The following DMXL1 variants were observed in gnomAD, a reference collection of about 807,000 sequenced individuals.
The protein encoded by DMXL1 is dmX-like protein 1.
A neutral mutation model predicts 319.2 loss-of-function variants in DMXL1; 99 were observed. That is an observed-to-expected ratio of 0.31 (90% CI 0.26 to 0.37). The LOEUF is 0.37. DMXL1 is among the 10% of genes least tolerant of loss of function. DMXL1 has a pLI of 1.00. For synonymous variants in DMXL1, 1,385 were observed against 1,235.2 expected (o/e 1.12, Z -2.54); for missense variants, 3,745 against 3,595.6 (o/e 1.04, Z -1.06).
intron 28 of DMXL1, among the ~76,000 whole-genome samples, chr5:119,184,761 T>G (rs1228582922): frequency 6.6e-6 from 1 of 152,206 alleles, no homozygotes; most frequent in African/African-American, 2.4e-5. Context: ...GACTGGCTTA[T>G]TTCACCTAGT....
chr5:119,217,897 G>A (rs1783965062), intron 35 of DMXL1, among the ~76,000 whole-genome samples: 1 of 152,016 alleles, frequency 6.6e-6, no homozygotes, highest in South Asian at 2.1e-4. Context: ...TGTTCTGTGT[G>A]CTTCACTTAA....
At chr5:119,178,525 T>C (rs1462974833) in intron 28 of DMXL1, 18 of 736,832 alleles carry the variant, frequency 2.4e-5, no homozygotes, top group South Asian at 6.2e-5. Context: ...CACTGTAATA[T>C]TGGTTTTTGT....
chr5:119,117,990 C>CT (rs1309280121), intron 7 of DMXL1, among the ~76,000 whole-genome samples: 1 of 152,114 alleles, frequency 6.6e-6, no homozygotes, highest in Non-Finnish European at 1.5e-5. Flanking sequence ...GTGACTTTTT[C>CT]TTTCTTTCTT....
intron 9 of DMXL1, among the ~76,000 whole-genome samples, chr5:119,125,312 AC>A (rs1763280619): frequency 1.3e-5 from 2 of 152,312 alleles, no homozygotes; most frequent in South Asian, 4.1e-4. Context: ...CATTAGCTTT[AC>A]AGTTTTGCCT....
chr5:119,115,120 C>G (rs958504796), intron 6 of DMXL1, among the ~76,000 whole-genome samples: 4 of 152,098 alleles, frequency 2.6e-5, no homozygotes, highest in Admixed American at 2.0e-4. Context: ...TCTTATTGAG[C>G]CTTTCTTTTC....
chr5:119,181,412 C>T (rs1209647340), intron 28 of DMXL1, among the ~76,000 whole-genome samples: 1 of 152,024 alleles, frequency 6.6e-6, no homozygotes, highest in Non-Finnish European at 1.5e-5. Context: ...TGAAGGAGTA[C>T]TTAAAGAAAA....
Position 119,118,845 on chromosome 5 carries a change from C to T in DMXL1, c.774C>T (p.Cys258=). Residue 258 remains cysteine (C), a synonymous_variant, in exon 8 of 44, where the codon TGC becomes TGT. Coordinates refer to ENST00000539542, the MANE Select transcript of DMXL1 (RefSeq NM_001290321.3). ...CTGTATGTAATGTACTGTTGACTTG[C>T]TGCAAAGATAATGTGTGTCGTCTTT... ...RASVCNVLLT[C]CKDNVCRLWV... is the part of the protein sequence containing the mutation. 1.2e-6 allele frequency: 2 copies of T among 1,613,044 alleles called. No homozygotes were observed. Among genetic ancestry groups the T allele is most frequent in the Non-Finnish European group, 1.7e-6 (2 of 1,179,646 alleles).
chr5:119,174,239 A>G (rs1458699486), intron 25 of DMXL1, among the ~76,000 whole-genome samples: 1 of 152,136 alleles, frequency 6.6e-6, no homozygotes, highest in Admixed American at 6.6e-5. Flanking sequence ...TCACACCTAG[A>G]TTTTTTTCAA....
At chr5:119,078,313 G>C (rs942341063) in intron 1 of DMXL1, among the ~76,000 whole-genome samples, 1 of 151,992 alleles carries the variant, frequency 6.6e-6, no homozygotes, top group African/African-American at 2.4e-5. Flanking sequence ...AAACTTTCTA[G>C]TATTAAGGAG....
At chr5:119,175,470 G>A (rs1450815933) in intron 26 of DMXL1, 133 bp downstream of exon 26, 14 of 601,864 alleles carry the variant, frequency 2.3e-5, no homozygotes, top group Non-Finnish European at 3.8e-5. Context: ...GAGGTTTTGA[G>A]TACTTTTTGT....
chr5:119,144,053 A>G, intron 14 of DMXL1, 123 bp downstream of exon 14: 1 of 604,186 alleles, frequency 1.7e-6, no homozygotes, highest in Non-Finnish European at 2.9e-6. Context: ...TTCAGTAATT[A>G]ACTCATCACA....
chr5:119,137,254 C>T (rs1766215229), intron 13 of DMXL1, among the ~76,000 whole-genome samples: 1 of 152,210 alleles, frequency 6.6e-6, no homozygotes, highest in African/African-American at 2.4e-5. Context: ...TTGTTTTGGC[C>T]AGTTTCTTCT....
intron 10 of DMXL1, 80 bp downstream of exon 10, chr5:119,129,503 T>C: frequency 1.0e-6 from 1 of 997,054 alleles, no homozygotes. Context: ...AACTAGCTAC[T>C]TGTAATAAAC....
intron 37 of DMXL1, 79 bp downstream of exon 37, chr5:119,221,160 A>G (rs1784581060): frequency 9.2e-7 from 1 of 1,081,454 alleles, no homozygotes; most frequent in East Asian, 2.7e-5. Flanking sequence ...AGGATGATTT[A>G]AAACATTTTT....
chr5:119,095,649 A>G (rs1437625634), intron 1 of DMXL1, among the ~76,000 whole-genome samples: 3 of 152,248 alleles, frequency 2.0e-5, no homozygotes, highest in African/African-American at 2.4e-5. Context: ...AATTCAACAC[A>G]ATATTTTGAG....
intron 28 of DMXL1, among the ~76,000 whole-genome samples, chr5:119,187,366 G>A (rs1777922943): frequency 6.6e-6 from 1 of 152,128 alleles, no homozygotes; most frequent in South Asian, 2.1e-4. Context: ...TTGATTATTA[G>A]CATTTTCAAA....
intron 19 of DMXL1, among the ~76,000 whole-genome samples, chr5:119,152,788 A>T (rs1191883931): frequency 6.6e-6 from 1 of 152,142 alleles, no homozygotes; most frequent in Non-Finnish European, 1.5e-5. Context: ...GCATTATTGG[A>T]ACTATAGGTT....
rs1204013477 is a variant in DMXL1 at position 119,149,897 on chromosome 5, T to C, written c.4070T>C (p.Val1357Ala). Residue 1357 changes from valine to alanine, a missense_variant, in exon 18 of 44, where the codon GTT becomes GCT. Transcript: ENST00000539542. Reference sequence around the variant, plus strand: ...CTTGTTAAGTGCATTGCTGGGGAAGTTGTGGCTCTGAATGAAGCTGAATCT... The same window carrying C: ...CTTGTTAAGTGCATTGCTGGGGAAGCTGTGGCTCTGAATGAAGCTGAATCT... ...SHLVKCIAGE[V>A]VALNEAESNH... is the part of the protein sequence containing the mutation. 1.2e-6 allele frequency: 2 copies of C among 1,613,856 alleles called. No individual in the cohort carries two copies. Among genetic ancestry groups the C allele is most frequent in the Non-Finnish European group, 1.7e-6 (2 of 1,179,902 alleles).
At chr5:119,119,391 A>G (rs1304903297) in intron 8 of DMXL1, among the ~76,000 whole-genome samples, 1 of 152,162 alleles carries the variant, frequency 6.6e-6, no homozygotes, top group African/African-American at 2.4e-5. Flanking sequence ...CCCCACCCCC[A>G]GAACTTGGGG....
Sources: allele counts gnomAD v4.1 joint callset (sites outside exome capture counted in the v4.1 genomes callset), GRCh38; gene constraint gnomAD v4.1.1; transcripts MANE v1.5; gene names NCBI Gene and HGNC (gene_info 2026-07-23, HGNC 2026-07-21).